Variants in FMN1 observed in about 807,000 individuals in gnomAD.
The protein encoded by FMN1 is formin-1.
In FMN1, 110 loss-of-function variants were observed where a neutral mutation model predicts 132.4. The ratio of observed to expected loss-of-function variants is 0.83; its 90% CI spans 0.71 to 0.97. The LOEUF (loss-of-function observed/expected upper bound fraction) is 0.97, where lower values mean the gene tolerates loss of function less well. Among genes scored for constraint, FMN1 ranks in the 50% least tolerant of loss-of-function variants. The probability of loss-of-function intolerance (pLI) is 0.00; values close to 1 mark genes in which losing one functional copy is unlikely to be tolerated. For missense variants in FMN1, 1,792 were observed against 1,705.3 expected (o/e 1.05, Z -0.90); for synonymous variants, 722 against 651.7 (o/e 1.11, Z -1.64).
chr15:32,950,978 GCTT>G (rs2061638416), intron 9 of FMN1, among the ~76,000 whole-genome samples: 1 of 150,126 alleles, frequency 6.7e-6, no homozygotes, highest in African/African-American at 2.4e-5. Context: ...GAGAACTTTT[GCTT>G]TTTTTTTTAA....
At chr15:33,056,829 G>A (rs61301004) in intron 6 of FMN1, among the ~76,000 whole-genome samples, 2,026 of 152,270 alleles carry the variant, frequency 0.013, 42 homozygotes, top group African/African-American at 0.047. Context: ...CAAGCATAAC[G>A]TTAACAGAAA....
intron 9 of FMN1, among the ~76,000 whole-genome samples, chr15:32,943,020 G>T (rs972982806): frequency 4.6e-5 from 7 of 152,128 alleles, no homozygotes; most frequent in Non-Finnish European, 8.8e-5. Flanking sequence ...TCCAAAATAC[G>T]AAGTATTTCA....
intron 3 of FMN1, among the ~76,000 whole-genome samples, chr15:33,164,588 C>T (rs905959161): frequency 6.6e-6 from 1 of 152,188 alleles, no homozygotes; most frequent in Non-Finnish European, 1.5e-5. Flanking sequence ...TCGAGGAATT[C>T]TTTCTTTGCC....
At chr15:33,094,013 A>T (rs568187190) in intron 4 of FMN1, among the ~76,000 whole-genome samples, 1 of 152,354 alleles carries the variant, frequency 6.6e-6, no homozygotes, top group African/African-American at 2.4e-5. Flanking sequence ...GCAAAGGCAG[A>T]ACTAAAATCT....
intron 20 of FMN1, 57 bp downstream of exon 20, chr15:32,776,778 T>A: frequency 9.5e-7 from 1 of 1,052,794 alleles, no homozygotes; most frequent in Non-Finnish European, 1.4e-6. Flanking sequence ...TAGCCCTTCC[T>A]GGGCGCACCT....
intron 8 of FMN1, 65 bp from the exon 9 acceptor site, chr15:32,964,322 A>C: frequency 9.0e-7 from 1 of 1,105,822 alleles, no homozygotes; most frequent in East Asian, 2.4e-5. Context: ...ATACAATGAA[A>C]TCTTTCTCTA....
At chr15:33,062,010 G>T (rs2037507267) in intron 6 of FMN1, among the ~76,000 whole-genome samples, 1 of 152,072 alleles carries the variant, frequency 6.6e-6, no homozygotes, top group Admixed American at 6.5e-5. Context: ...TGAAAGGACA[G>T]ATTTGATTAT....
chr15:33,101,181 T>A (rs1483288695), intron 4 of FMN1, among the ~76,000 whole-genome samples: 1 of 152,202 alleles, frequency 6.6e-6, no homozygotes, highest in Non-Finnish European at 1.5e-5. Flanking sequence ...GGTAAGACAC[T>A]GAAAATCATC....
At chr15:33,152,756 T>TA (rs1401950493) in intron 4 of FMN1, among the ~76,000 whole-genome samples, 2 of 110,104 alleles carry the variant, frequency 1.8e-5, no homozygotes, top group Non-Finnish European at 3.3e-5. Flanking sequence ...GAGTCACTGT[T>TA]ACGCAACCAC....
intron 6 of FMN1, among the ~76,000 whole-genome samples, chr15:33,019,597 C>A (rs1489936665): frequency 1.3e-5 from 2 of 152,200 alleles, no homozygotes; most frequent in Non-Finnish European, 2.9e-5. Flanking sequence ...TCAGGCATGG[C>A]GAGCTGGAGG....
At chr15:32,889,561 A>T (rs186452395) in intron 15 of FMN1, among the ~76,000 whole-genome samples, 9 of 152,200 alleles carry the variant, frequency 5.9e-5, no homozygotes, top group Admixed American at 2.6e-4. Context: ...GAAATAACAG[A>T]CCACAATCTC....
At chr15:32,805,279 T>C (rs1030844872) in intron 17 of FMN1, among the ~76,000 whole-genome samples, 4 of 152,232 alleles carry the variant, frequency 2.6e-5, no homozygotes, top group African/African-American at 9.6e-5. Context: ...CATTTTTTCA[T>C]GTGTCTATTG....
At chr15:33,058,803 G>C (rs2037351804) in intron 6 of FMN1, among the ~76,000 whole-genome samples, 1 of 152,180 alleles carries the variant, frequency 6.6e-6, no homozygotes, top group Non-Finnish European at 1.5e-5. Flanking sequence ...TTACGGGGTA[G>C]ATGATGCGGT....
chr15:33,017,477 G>C (rs1327835644), intron 6 of FMN1, among the ~76,000 whole-genome samples: 2 of 151,826 alleles, frequency 1.3e-5, no homozygotes, highest in African/African-American at 4.8e-5. Context: ...AAAAATAGTT[G>C]ATTTTTTTTT....
chr15:33,063,897 G>T (rs780426499), intron 6 of FMN1: 1 of 152,182 alleles, frequency 6.6e-6, no homozygotes, highest in Non-Finnish European at 1.5e-5. Context: ...ATGTGGGAAA[G>T]AAGACTTAAA....
At chr15:33,018,986 G>C (rs191332990) in intron 6 of FMN1, among the ~76,000 whole-genome samples, 1 of 152,190 alleles carries the variant, frequency 6.6e-6, no homozygotes. Flanking sequence ...GTGAGCAGCA[G>C]CAAGATTTAT....
rs2056078470 is a variant in FMN1 at position 32,767,222 on chromosome 15, T to C, written c.*7088A>G. The stretch of plus-strand genomic sequence containing the variant: ...TTTTTCTCCTCCATGCGTCCTTTTT[T>C]TCTTGCTCATCCCATTGCTTGCAAA... On this transcript the variant is annotated 3_prime_UTR_variant, in exon 21 of 21. Transcript: ENST00000616417. The C allele has an allele frequency of 6.6e-6, 1 of 152,216 alleles. No individual in the cohort carries two copies. Among genetic ancestry groups the C allele is most frequent in the African/African-American group, 2.4e-5 (1 of 41,450 alleles). The allele number at this position is 152,216 out of a possible 1,614,324, so 9.4% of individuals were successfully genotyped here. A position where few individuals can be genotyped will look rare whatever the true frequency, so the allele number is the denominator to read the frequency against.
chr15:32,959,026 A>G (rs1458183820), intron 9 of FMN1, among the ~76,000 whole-genome samples: 2 of 147,498 alleles, frequency 1.4e-5, no homozygotes, highest in Non-Finnish European at 3.0e-5. Context: ...CTGGGCGACA[A>G]CAGTGAAACA....
intron 15 of FMN1, 140 bp from the exon 16 acceptor site, chr15:32,888,432 C>G: frequency 1.5e-6 from 1 of 685,218 alleles, no homozygotes; most frequent in Non-Finnish European, 2.3e-6. Flanking sequence ...CTCTGCTATT[C>G]CTAAATTTGG....
Sources: gnomAD v4.1 joint callset for allele counts (sites outside exome capture counted in the v4.1 genomes callset) on GRCh38, gnomAD v4.1.1 for gene constraint, MANE v1.5 for transcripts, NCBI Gene and HGNC (gene_info 2026-07-23, HGNC 2026-07-21) for gene names.